ENOX1: variants seen among roughly 807,000 people sequenced by gnomAD.
ENOX1 encodes candidate growth-related and time keeping constitutive hydroquinone (NADH) oxidase.
In ENOX1, 42 loss-of-function variants were observed where a neutral mutation model predicts 82.5. That is an observed-to-expected ratio of 0.51 (90% CI 0.40 to 0.66). The LOEUF is 0.66. Ranked by LOEUF, ENOX1 falls within the 30% of genes least tolerant of loss-of-function variation. The pLI, the probability that ENOX1 is intolerant of heterozygous loss-of-function variation, is 0.00. For missense variants in ENOX1, 608 were observed against 811.6 expected (o/e 0.75, Z 3.05); for synonymous variants, 271 against 282.2 (o/e 0.96, Z 0.40).
At chr13:43,224,590 A>T (rs555364846) in intron 15 of ENOX1, among the ~76,000 whole-genome samples, 2 of 152,336 alleles carry the variant, frequency 1.3e-5, no homozygotes, top group East Asian at 3.9e-4. Flanking sequence ...CAATTGCTAG[A>T]TATGAAAAGT....
At chr13:43,491,253 G>T (rs2076608599) in intron 2 of ENOX1, among the ~76,000 whole-genome samples, 1 of 152,058 alleles carries the variant, frequency 6.6e-6, no homozygotes, top group Admixed American at 6.6e-5. Flanking sequence ...CAAAGGACAT[G>T]GTGCCAAACC....
At chr13:43,707,388 G>T (rs901335346) in intron 1 of ENOX1, among the ~76,000 whole-genome samples, 6 of 152,104 alleles carry the variant, frequency 3.9e-5, no homozygotes, top group Non-Finnish European at 4.4e-5. Flanking sequence ...TACAGAAATT[G>T]ACAGGTGAGT....
chr13:43,488,391 G>A (rs1257631972), intron 2 of ENOX1, among the ~76,000 whole-genome samples: 1 of 152,184 alleles, frequency 6.6e-6, no homozygotes, highest in Non-Finnish European at 1.5e-5. Context: ...CAGCACCACA[G>A]ACAACAGAAT....
chr13:43,219,003 T>G (rs1166606174), intron 16 of ENOX1, among the ~76,000 whole-genome samples: 1 of 152,204 alleles, frequency 6.6e-6, no homozygotes, highest in Admixed American at 6.5e-5. Context: ...ATTGAGACTC[T>G]GGAGTCATTA....
At chr13:43,307,350 T>C (rs56365614) in intron 11 of ENOX1, among the ~76,000 whole-genome samples, 43,321 of 152,112 alleles carry the variant, frequency 0.28, 8,191 homozygotes, top group Non-Finnish European at 0.43. Context: ...ATGAGAAACC[T>C]GGGACTCATC....
intron 1 of ENOX1, among the ~76,000 whole-genome samples, chr13:43,758,213 G>A (rs1170672908): frequency 6.6e-6 from 1 of 151,940 alleles, no homozygotes; most frequent in African/African-American, 2.4e-5. Flanking sequence ...TCCAGCCTGG[G>A]TGACAGAGTG....
intron 9 of ENOX1, among the ~76,000 whole-genome samples, chr13:43,333,494 C>T (rs1026068262): frequency 9.2e-5 from 14 of 152,212 alleles, no homozygotes; most frequent in African/African-American, 3.1e-4. Flanking sequence ...TAAGTCATCA[C>T]ATAGCAGCAG....
chr13:43,606,821 C>T (rs1358715219), intron 2 of ENOX1, among the ~76,000 whole-genome samples: 2 of 151,958 alleles, frequency 1.3e-5, no homozygotes, highest in African/African-American at 2.4e-5. Context: ...TCGAGACCAG[C>T]CTGGGCCACA....
intron 9 of ENOX1, among the ~76,000 whole-genome samples, chr13:43,334,541 G>A (rs1204591109): frequency 6.6e-6 from 1 of 152,088 alleles, no homozygotes; most frequent in Admixed American, 6.6e-5. Context: ...AGCTGCAGAG[G>A]GTGCCAAGGG....
intron 1 of ENOX1, among the ~76,000 whole-genome samples, chr13:43,763,981 A>T (rs547916738): frequency 6.6e-6 from 1 of 152,360 alleles, no homozygotes; most frequent in East Asian, 1.9e-4. Flanking sequence ...ATTCCTGAAG[A>T]ATCCCAAAGG....
chr13:43,706,476 T>A (rs1013011046), intron 1 of ENOX1, among the ~76,000 whole-genome samples: 3 of 151,796 alleles, frequency 2.0e-5, no homozygotes, highest in African/African-American at 7.3e-5. Flanking sequence ...CCAATATCAC[T>A]CAGAAAGATG....
Position 43,304,209 on chromosome 13 carries a change from T to C in ENOX1, c.1262-5679A>G, listed in dbSNP as rs547868166. Among the ~76,000 whole-genome samples the C allele has an allele frequency of 7.2e-5, 11 of 152,302 alleles. No homozygotes were observed. In the South Asian group the frequency reaches 2.3e-3, roughly 32 times the overall value. On this transcript the variant is annotated intron_variant, in intron 11 of 16. Transcript: ENST00000690772. ...TTTCTTCAAATAACAGTAGCAGTAA[T>C]GGGAATAGCAACAGTGGTAGTGACA...
rs553218634 is a variant in ENOX1, at chr13:43,512,972, G to A, written c.-218-28820C>T. On this transcript the variant is annotated intron_variant, in intron 2 of 16. Transcript: ENST00000690772. ...AATATAATGTGACTGCCACCATGGA[G>A]TTTATAGCCTATCTGGGAAGGGTCA... Among the ~76,000 whole-genome samples the A allele has an allele frequency of 3.3e-5, 5 of 152,204 alleles. No individual in the cohort carries two copies. The South Asian group carries it at 1.0e-3, about 32-fold the overall frequency.
At chr13:43,671,283 T>C (rs1283130419) in intron 1 of ENOX1, among the ~76,000 whole-genome samples, 1 of 152,210 alleles carries the variant, frequency 6.6e-6, no homozygotes, top group Non-Finnish European at 1.5e-5. Flanking sequence ...TTAGTATCTT[T>C]ATAGCAGTGT....
chr13:43,298,196 A>C, intron 12 of ENOX1, 150 bp downstream of exon 12: 1 of 700,868 alleles, frequency 1.4e-6, no homozygotes, highest in Non-Finnish European at 2.1e-6. Flanking sequence ...TTCCACAAAC[A>C]GTCATTAGCA....
chr13:43,456,264 T>C (rs1310790935), intron 3 of ENOX1, among the ~76,000 whole-genome samples: 2 of 152,098 alleles, frequency 1.3e-5, no homozygotes, highest in African/African-American at 4.8e-5. Flanking sequence ...TATTTTATTC[T>C]ATATTTTATG....
At chr13:43,746,552 G>A (rs376722323) in intron 1 of ENOX1, among the ~76,000 whole-genome samples, 2 of 152,078 alleles carry the variant, frequency 1.3e-5, no homozygotes, top group South Asian at 2.1e-4. Flanking sequence ...ACTAAGTTGA[G>A]GGGTAACAGG....
At chr13:43,276,900 A>G (rs1023346725) in intron 12 of ENOX1, among the ~76,000 whole-genome samples, 3 of 152,182 alleles carry the variant, frequency 2.0e-5, no homozygotes, top group African/African-American at 7.2e-5. Context: ...CTCAAGATCT[A>G]TTCTAGTTTA....
chr13:43,388,680 T>C (rs567366122), intron 5 of ENOX1, among the ~76,000 whole-genome samples: 28 of 152,302 alleles, frequency 1.8e-4, no homozygotes, highest in Non-Finnish European at 3.1e-4. Context: ...AAGCAGTAAC[T>C]GCCCTCGGGT....
Sources: allele counts gnomAD v4.1 joint callset (sites outside exome capture counted in the v4.1 genomes callset), GRCh38; gene constraint gnomAD v4.1.1; transcripts MANE v1.5; gene names NCBI Gene and HGNC (gene_info 2026-07-23, HGNC 2026-07-21).